PLSCR2: variants seen among roughly 807,000 people sequenced by gnomAD.
PLSCR2 encodes the protein PL scramblase 2.
In PLSCR2, 18 loss-of-function variants were observed where a neutral mutation model predicts 25.3. That is an observed-to-expected ratio of 0.71 (90% confidence interval 0.49 to 1.06). The LOEUF (loss-of-function observed/expected upper bound fraction) is 1.06, where lower values mean the gene tolerates loss of function less well. Among genes scored for constraint, PLSCR2 ranks in the 50% least tolerant of loss-of-function variants. The probability of loss-of-function intolerance (pLI) is 0.00; values close to 1 mark genes in which losing one functional copy is unlikely to be tolerated. For synonymous variants in PLSCR2, 88 were observed against 87.3 expected, an observed-to-expected ratio of 1.01 and a Z score of -0.04; for missense variants, 243 against 269.5, an observed-to-expected ratio of 0.90 and a Z score of 0.69.
chr3:146,421,063 C>CA (rs1247764007), intron 2 of PLSCR2, among the ~76,000 whole-genome samples: 1 of 152,014 alleles, frequency 6.6e-6, no homozygotes, highest in African/African-American at 2.4e-5. Flanking sequence ...TGTGATGGGC[C>CA]ATGGAAGGAA....
chr3:146,438,092 G>T (rs1214239541), downstream of PLSCR2, among the ~76,000 whole-genome samples: 1 of 152,204 alleles, frequency 6.6e-6, no homozygotes, highest in Admixed American at 6.5e-5. Flanking sequence ...TTTTGAGTGA[G>T]TTTCTTAATC....
downstream of PLSCR2, among the ~76,000 whole-genome samples, chr3:146,429,091 C>T (rs1484824256): frequency 6.6e-6 from 1 of 152,122 alleles, no homozygotes; most frequent in Non-Finnish European, 1.5e-5. Context: ...ATACCTGAGG[C>T]CGAGTAATTT....
intron 2 of PLSCR2, among the ~76,000 whole-genome samples, chr3:146,422,002 T>C (rs1022417664): frequency 2.0e-5 from 3 of 152,120 alleles, no homozygotes; most frequent in African/African-American, 7.2e-5. Context: ...GAGCGATGGC[T>C]AACAGATTCA....
chr3:146,464,963 A>C (rs1295859346), upstream of PLSCR2, among the ~76,000 whole-genome samples: 1 of 152,174 alleles, frequency 6.6e-6, no homozygotes, highest in South Asian at 2.1e-4. Context: ...AGGCTTCAAC[A>C]GATCAAATCA....
chr3:146,485,150 C>T (rs571660764), intron 1 of PLSCR2, among the ~76,000 whole-genome samples: 2 of 150,916 alleles, frequency 1.3e-5, no homozygotes, highest in Non-Finnish European at 2.9e-5. Context: ...GGTTGCAATC[C>T]TTGTCTCTGA....
chr3:146,441,767 C>T (rs1248462250), exon 7 of PLSCR2: 3 of 1,560,688 alleles, frequency 1.9e-6, no homozygotes, highest in Non-Finnish European at 2.6e-6. Context: ...CATTAATCCA[C>T]TCCCACACTC....
chr3:146,425,706 G>A (rs915794357), intron 2 of PLSCR2, among the ~76,000 whole-genome samples: 1 of 151,780 alleles, frequency 6.6e-6, no homozygotes, highest in Non-Finnish European at 1.5e-5. Context: ...GAAGAAGTGA[G>A]GTTCATGAAA....
At chr3:146,430,029 C>A (rs1056293512), downstream of PLSCR2, among the ~76,000 whole-genome samples, 11 of 152,098 alleles carry the variant, frequency 7.2e-5, no homozygotes, top group African/African-American at 2.4e-4. Context: ...AGTTTCCCCC[C>A]ACTAAATTCC....
intron 6 of PLSCR2, among the ~76,000 whole-genome samples, chr3:146,447,306 C>T (rs2040608461): frequency 6.6e-6 from 1 of 152,174 alleles, no homozygotes; most frequent in African/African-American, 2.4e-5. Flanking sequence ...CTGGGCCACA[C>T]CTGAAGCAAG....
At chr3:146,454,942 C>T (rs2041113263) in intron 4 of PLSCR2, among the ~76,000 whole-genome samples, 1 of 152,136 alleles carries the variant, frequency 6.6e-6, no homozygotes, top group Admixed American at 6.6e-5. Context: ...ATGCCTCTTA[C>T]AGTCATCTCT....
At chr3:146,469,312 A>G in intron 1 of PLSCR2, 183 bp downstream of exon 1, 5 of 985,540 alleles carry the variant, frequency 5.1e-6, no homozygotes, top group South Asian at 4.7e-5. Flanking sequence ...GAGCCAGGGT[A>G]CAGCTGGGCC....
At chr3:146,447,032 T>G (rs78257059) in intron 6 of PLSCR2, among the ~76,000 whole-genome samples, 1 of 152,220 alleles carries the variant, frequency 6.6e-6, no homozygotes, top group Admixed American at 6.5e-5. Flanking sequence ...AAGGCCCAAG[T>G]GCTCTTCGGT....
intron 5 of PLSCR2, among the ~76,000 whole-genome samples, chr3:146,452,360 A>C (rs2040953548): frequency 6.6e-6 from 1 of 152,202 alleles, no homozygotes; most frequent in Non-Finnish European, 1.5e-5. Context: ...GATAGTCTAA[A>C]AAACTAAATA....
chr3:146,447,039 C>T (rs1010166132), intron 6 of PLSCR2, among the ~76,000 whole-genome samples: 5 of 152,196 alleles, frequency 3.3e-5, no homozygotes, highest in Admixed American at 1.3e-4. Flanking sequence ...AAGTGCTCTT[C>T]GGTCAGCTTG....
chr3:146,478,013 G>T (rs2042982125), intron 1 of PLSCR2, among the ~76,000 whole-genome samples: 1 of 152,176 alleles, frequency 6.6e-6, no homozygotes, highest in African/African-American at 2.4e-5. Context: ...TGCAGCTGAG[G>T]GACCTGACTG....
intron 1 of PLSCR2, among the ~76,000 whole-genome samples, chr3:146,485,586 A>G (rs1236985706): frequency 2.6e-5 from 4 of 152,100 alleles, no homozygotes; most frequent in East Asian, 1.9e-4. Flanking sequence ...AAGAACTAAA[A>G]TCATAACAAA....
chr3:146,409,790 G>A (rs2038785421), intron 2 of PLSCR2, among the ~76,000 whole-genome samples: 1 of 152,092 alleles, frequency 6.6e-6, no homozygotes, highest in South Asian at 2.1e-4. Context: ...TTTTTAAAAG[G>A]CAATTTAACA....
chr3:146,419,819 A>G (rs1324333054), intron 2 of PLSCR2, among the ~76,000 whole-genome samples: 1 of 152,072 alleles, frequency 6.6e-6, no homozygotes, highest in African/African-American at 2.4e-5. Flanking sequence ...ACCTGTGATT[A>G]TATCGAGGCC....
At chr3:146,482,343 A>G (rs2043159538) in intron 1 of PLSCR2, among the ~76,000 whole-genome samples, 1 of 152,240 alleles carries the variant, frequency 6.6e-6, no homozygotes, top group Admixed American at 6.5e-5. Context: ...AAGGGCTGAT[A>G]TCCAGAATCT....
Sources: allele counts gnomAD v4.1 joint callset (sites outside exome capture counted in the v4.1 genomes callset), GRCh38; gene constraint gnomAD v4.1.1; transcripts MANE v1.5; gene names NCBI Gene and HGNC (gene_info 2026-07-23, HGNC 2026-07-21).